The following ZNF107 variants were observed in gnomAD, a reference collection of about 807,000 sequenced individuals.
ZNF107 encodes zinc finger protein 107, also known as C2H2 type zinc-finger protein.
A neutral mutation model predicts 12.3 loss-of-function variants in ZNF107; 19 were observed. The observed-to-expected ratio is 1.55, with a 90% CI of 1.08 to 2.27. The LOEUF (loss-of-function observed/expected upper bound fraction) is 2.27, where lower values mean the gene tolerates loss of function less well. Among genes scored for constraint, ZNF107 ranks in the 30% most tolerant of loss-of-function variants. The probability of loss-of-function intolerance (pLI) is 0.00; values close to 1 mark genes in which losing one functional copy is unlikely to be tolerated. For synonymous variants in ZNF107, 317 were observed against 330.5 expected (o/e 0.96, Z 0.44); for missense variants, 958 against 979.9 (o/e 0.98, Z 0.30).
rs114454607 is a variant in ZNF107, at chr7:64,693,354, A to T, written c.226+1394A>T. Among the ~76,000 whole-genome samples the T allele has an allele frequency of 9.5e-3, 1,405 of 147,250 alleles. 15 individuals carry two copies. Among genetic ancestry groups the T allele is most frequent in the African/African-American group, 0.033 (1,329 of 39,714 alleles). ...TTCTTAACTAATTCTTTTGCCACAT[A>T]CTTTCAGTGCTATGATAAAAGCATT... On this transcript the variant is annotated intron_variant, in intron 3 of 3. Transcript: ENST00000620827.
At chr7:64,678,073 C>G (rs966588801) in intron 1 of ZNF107, among the ~76,000 whole-genome samples, 7 of 152,128 alleles carry the variant, frequency 4.6e-5, no homozygotes, top group Admixed American at 2.6e-4. Context: ...ATATTAACAG[C>G]TAAATAAATT....
chr7:64,703,020 C>A (rs533470358), intron 3 of ZNF107, among the ~76,000 whole-genome samples: 1 of 151,644 alleles, frequency 6.6e-6, no homozygotes, highest in African/African-American at 2.4e-5. Context: ...TTTCTATATT[C>A]TTCTTCTAAT....
intron 1 of ZNF107, chr7:64,679,082 G>T: frequency 3.8e-6 from 1 of 264,536 alleles, no homozygotes; most frequent in Non-Finnish European, 5.8e-6. Context: ...GGATTGAAGA[G>T]ACGACCCAAG....
chr7:64,679,417 A>C, intron 1 of ZNF107: 2 of 937,704 alleles, frequency 2.1e-6, no homozygotes, highest in Non-Finnish European at 2.5e-6. Context: ...CCTAAATCTA[A>C]CATTGGTCAT....
intron 1 of ZNF107, chr7:64,687,373 G>C (rs759542354): frequency 9.1e-6 from 9 of 985,272 alleles, no homozygotes; most frequent in Non-Finnish European, 1.1e-5. Context: ...CTACCCAGGA[G>C]GCCTGCAGGC....
intron 1 of ZNF107, among the ~76,000 whole-genome samples, chr7:64,678,397 G>C (rs75831757): frequency 6.6e-6 from 1 of 152,114 alleles, no homozygotes; most frequent in African/African-American, 2.4e-5. Flanking sequence ...TGTATGAACC[G>C]AACAGTGGAG....
Position 64,711,405 on chromosome 7 carries a change from G to GTATC in ZNF107, c.*2750_*2753dup, listed in dbSNP as rs1202435866. On this transcript the variant is annotated 3_prime_UTR_variant, in exon 4 of 4. Transcript: ENST00000620827. ...TATTAATCACATCAGGGCAAAAGAT[G>GTATC]TATCCATCAACTCCAGCATTTCTCC... The GTATC allele has an allele frequency of 3.9e-5, 6 of 152,170 alleles. No homozygotes were observed. The highest frequency in any genetic ancestry group is 3.9e-4 in the Admixed American group (6 of 15,274). 9.4% of individuals were successfully genotyped at this position (152,170 alleles called of 1,614,324 possible).
chr7:64,676,326 G>A (rs747790281), intron 1 of ZNF107, among the ~76,000 whole-genome samples: 11 of 152,158 alleles, frequency 7.2e-5, no homozygotes, highest in Non-Finnish European at 1.5e-4. Flanking sequence ...GTGCCATATG[G>A]TGATGAGAAA....
In ZNF107 at chr7:64,707,821, A is replaced by G. The variant is rs749409164; in HGVS notation, c.1724A>G (p.Asn575Ser). ...YKCEECGKAF[N>S]QSYQLTRHKI... is the part of the protein sequence containing the mutation. The stretch of plus-strand genomic sequence containing the variant: ...TGTGAAGAATGTGGAAAAGCCTTTA[A>G]TCAATCCTATCAACTTACTAGACAT... The change falls in exon 4 of 4, where the codon AAT becomes AGT. Residue 575 changes from asparagine to serine, a missense_variant. Transcript: ENST00000620827. 8.7e-6 allele frequency: 14 copies of G among 1,611,930 alleles called. No individual in the cohort carries two copies. Among genetic ancestry groups the G allele is most frequent in the Non-Finnish European group, 1.2e-5 (14 of 1,179,394 alleles).
At chr7:64,679,997 G>C (rs143844963) in intron 1 of ZNF107, among the ~76,000 whole-genome samples, 20 of 151,930 alleles carry the variant, frequency 1.3e-4, no homozygotes, top group African/African-American at 3.9e-4. Context: ...AGACCCTTCC[G>C]ATATTTCTCC....
chr7:64,691,863 A>C lies in ZNF107; in HGVS notation c.131-2A>C. On this transcript the variant is annotated splice_acceptor_variant, in intron 2 of 3. Coordinates refer to ENST00000620827, the MANE Select transcript of ZNF107 (RefSeq NM_001282359.2). LOFTEE classifies it high-confidence loss of function. ...GTTATATATTTATTTTCAATAAAAC[A>C]GGTATTGCTGTCTCTAAGCCATATC... 7.1e-7 allele frequency: 1 copy of C among 1,415,634 alleles called. No homozygotes were observed. The highest frequency in any genetic ancestry group is 9.2e-7 in the Non-Finnish European group (1 of 1,083,834). 87.7% of individuals were successfully genotyped at this position (1,415,634 alleles called of 1,614,324 possible). A position where few individuals can be genotyped will look rare whatever the true frequency, so the allele number is the denominator to read the frequency against.
intron 1 of ZNF107, chr7:64,687,126 A>C: frequency 1.0e-6 from 1 of 985,032 alleles, no homozygotes; most frequent in Non-Finnish European, 1.2e-6. Flanking sequence ...CTCTCAATAT[A>C]ATCATTTTCA....
chr7:64,682,603 G>A (rs368482970), intron 1 of ZNF107, among the ~76,000 whole-genome samples: 108 of 152,106 alleles, frequency 7.1e-4, no homozygotes, highest in African/African-American at 2.5e-3. Context: ...CCAGGCCCAC[G>A]ACCAGTGGCC....
chr7:64,707,587 C>T lies in ZNF107; in HGVS notation c.1490C>T (p.Thr497Ile). The T allele has an allele frequency of 6.2e-6, 10 of 1,612,866 alleles. No individual in the cohort carries two copies. Among genetic ancestry groups the T allele is most frequent in the Non-Finnish European group, 8.5e-6 (10 of 1,179,544 alleles). The change falls in exon 4 of 4, where the codon ACT becomes ATT. Residue 497 changes from threonine (T) to isoleucine (I), a missense_variant. Thr to Ile is a moderately conservative substitution (Grantham distance 89, BLOSUM62 -1). Transcript: ENST00000620827. Reference sequence around the variant, plus strand: ...GCTTTTAATCGATCCTCAACCCTTACTAGACATAAGAAAATTCATACTGGA... The same window carrying T: ...GCTTTTAATCGATCCTCAACCCTTATTAGACATAAGAAAATTCATACTGGA... ...GKAFNRSSTL[T>I]RHKKIHTGEK...
At chr7:64,691,482 AT>A in intron 2 of ZNF107, 108 bp downstream of exon 2, 1 of 1,033,324 alleles carries the variant, frequency 9.7e-7, no homozygotes. Context: ...TGAGTTTCAG[AT>A]CTCTGTTTTC....
intron 1 of ZNF107, among the ~76,000 whole-genome samples, chr7:64,682,325 A>G (rs1250045998): frequency 6.6e-6 from 1 of 151,938 alleles, no homozygotes; most frequent in Admixed American, 6.6e-5. Flanking sequence ...AGTCCCTTCA[A>G]AAACAGCAGC....
Position 64,669,751 on chromosome 7 carries a change from G to A in ZNF107, c.3+3466G>A, listed in dbSNP as rs151193686. Among the ~76,000 whole-genome samples the A allele has an allele frequency of 2.4e-3, 361 of 152,210 alleles. 1 individual carries two copies. The highest frequency in any genetic ancestry group is 7.1e-3 in the African/African-American group (295 of 41,528). On this transcript the variant is annotated intron_variant, in intron 1 of 3. Coordinates refer to ENST00000620827, the MANE Select transcript of ZNF107 (RefSeq NM_001282359.2). The stretch of plus-strand genomic sequence containing the variant: ...TGCAGTGAGCCAAGAGTGTACCACT[G>A]CACTCCAGGCTGGGCAACAGAGCGA...
At chr7:64,686,731 T>C in intron 1 of ZNF107, 2 of 881,344 alleles carry the variant, frequency 2.3e-6, no homozygotes, top group Non-Finnish European at 2.7e-6. Flanking sequence ...AACTGGTTGA[T>C]CAACTTCTTG....
intron 1 of ZNF107, among the ~76,000 whole-genome samples, chr7:64,683,735 C>T (rs1273518265): frequency 6.6e-6 from 1 of 152,188 alleles, no homozygotes; most frequent in African/African-American, 2.4e-5. Context: ...CTGTCTGCCA[C>T]TCCAAGGTTT....
Sources: gnomAD v4.1 joint callset for allele counts (sites outside exome capture counted in the v4.1 genomes callset) on GRCh38, gnomAD v4.1.1 for gene constraint, MANE v1.5 for transcripts, NCBI Gene and HGNC (gene_info 2026-07-23, HGNC 2026-07-21) for gene names.